Variants in WWTR1 observed in about 807,000 individuals in gnomAD.
The protein encoded by WWTR1 is WW domain containing transcription regulator 1, also known as WW domain-containing transcription regulator protein 1.
In WWTR1, 13 loss-of-function variants were observed where a neutral mutation model predicts 40.1. That is an observed-to-expected ratio of 0.32 (90% CI 0.21 to 0.52). The LOEUF is 0.52. Ranked by LOEUF, WWTR1 falls within the 20% of genes least tolerant of loss-of-function variation. The pLI, the probability that WWTR1 is intolerant of heterozygous loss-of-function variation, is 0.97. For missense variants in WWTR1, 436 were observed against 523.1 expected, an observed-to-expected ratio of 0.83 and a Z score of 1.63; for synonymous variants, 230 against 210.1, an observed-to-expected ratio of 1.09 and a Z score of -0.82.
intron 2 of WWTR1, among the ~76,000 whole-genome samples, chr3:149,634,609 C>A (rs2108114243): frequency 6.6e-6 from 1 of 152,308 alleles, no homozygotes; most frequent in East Asian, 1.9e-4. Context: ...AAGGTCCATG[C>A]ACAATAAATG....
At chr3:149,703,848 C>T (rs1381140246), upstream of WWTR1, among the ~76,000 whole-genome samples, 1 of 152,208 alleles carries the variant, frequency 6.6e-6, no homozygotes, top group Non-Finnish European at 1.5e-5. Flanking sequence ...TGATTGGAAG[C>T]TTCCTGAGTC....
chr3:149,698,285 A>G (rs1715057448), intron 1 of WWTR1, among the ~76,000 whole-genome samples: 1 of 150,906 alleles, frequency 6.6e-6, no homozygotes, highest in African/African-American at 2.5e-5. Flanking sequence ...CGTGATAGTG[A>G]GTGAGTTCTC....
intron 2 of WWTR1, among the ~76,000 whole-genome samples, chr3:149,580,095 G>T (rs577153233): frequency 1.3e-4 from 20 of 152,128 alleles, no homozygotes; most frequent in Non-Finnish European, 2.6e-4. Context: ...GTATGCAAAA[G>T]GTGGTTTACT....
intron 5 of WWTR1, among the ~76,000 whole-genome samples, chr3:149,716,662 TAAAC>T (rs1434288768): frequency 1.3e-5 from 2 of 152,156 alleles, no homozygotes; most frequent in Admixed American, 6.5e-5. Flanking sequence ...TTTTTAATAG[TAAAC>T]AAACAAAAAG....
chr3:149,628,179 G>A (rs1740666071), intron 2 of WWTR1, among the ~76,000 whole-genome samples: 1 of 151,738 alleles, frequency 6.6e-6, no homozygotes, highest in South Asian at 2.1e-4. Context: ...GACCATCTTG[G>A]CTAACACGGT....
intron 1 of WWTR1, among the ~76,000 whole-genome samples, chr3:149,680,255 T>G (rs965087888): frequency 6.6e-6 from 1 of 152,052 alleles, no homozygotes; most frequent in Non-Finnish European, 1.5e-5. Flanking sequence ...GTAAAATACT[T>G]ATCTGGGGCC....
chr3:149,713,833 C>A (rs927392244), intron 5 of WWTR1, among the ~76,000 whole-genome samples: 14 of 152,226 alleles, frequency 9.2e-5, no homozygotes, highest in Non-Finnish European at 1.9e-4. Context: ...GCACGCATCC[C>A]TGAGGCAGCG....
intron 3 of WWTR1, among the ~76,000 whole-genome samples, chr3:149,551,224 G>A (rs1281575626): frequency 2.1e-5 from 3 of 144,324 alleles, no homozygotes; most frequent in African/African-American, 7.9e-5. Context: ...TTGAACCCAG[G>A]AGGCAGGAGG....
intron 1 of WWTR1, among the ~76,000 whole-genome samples, chr3:149,695,794 A>AATAT (rs752351282): frequency 0.097 from 13,643 of 140,608 alleles, 811 homozygotes; most frequent in Admixed American, 0.15. Context: ...AAAAGAAAAA[A>AATAT]ATATATATAT....
At chr3:149,663,487 G>T (rs1023843358) in intron 2 of WWTR1, among the ~76,000 whole-genome samples, 5 of 151,952 alleles carry the variant, frequency 3.3e-5, no homozygotes, top group African/African-American at 1.2e-4. Flanking sequence ...CCTGAGGTCA[G>T]GAGTTTGAGA....
At chr3:149,592,193 C>T (rs1322766928) in intron 2 of WWTR1, among the ~76,000 whole-genome samples, 2 of 152,172 alleles carry the variant, frequency 1.3e-5, no homozygotes, top group Non-Finnish European at 1.5e-5. Context: ...AATATTTATA[C>T]AATACATATG....
intron 2 of WWTR1, among the ~76,000 whole-genome samples, chr3:149,602,440 G>A (rs1739285102): frequency 6.6e-6 from 1 of 152,194 alleles, no homozygotes; most frequent in Non-Finnish European, 1.5e-5. Context: ...TGGACCCTGA[G>A]CAACCCTGAA....
intron 2 of WWTR1, among the ~76,000 whole-genome samples, chr3:149,574,821 G>GC (rs1737805704): frequency 6.6e-6 from 1 of 151,748 alleles, no homozygotes; most frequent in South Asian, 2.1e-4. Context: ...AAGGCCGGGG[G>GC]CGGTGGCTCA....
chr3:149,548,536 T>C (rs1363258650), intron 3 of WWTR1, among the ~76,000 whole-genome samples: 1 of 152,108 alleles, frequency 6.6e-6, no homozygotes, highest in Non-Finnish European at 1.5e-5. Context: ...ACCATAAGGG[T>C]AGGCTCAACT....
chr3:149,626,660 A>G (rs1184056599), intron 2 of WWTR1, among the ~76,000 whole-genome samples: 1 of 152,118 alleles, frequency 6.6e-6, no homozygotes, highest in African/African-American at 2.4e-5. Context: ...CCATACTCCA[A>G]GGGAAGATAC....
chr3:149,539,351 T>G (rs1418616942), intron 4 of WWTR1, among the ~76,000 whole-genome samples: 1 of 152,162 alleles, frequency 6.6e-6, no homozygotes, highest in Non-Finnish European at 1.5e-5. Flanking sequence ...TTCATCTACT[T>G]ATTAAATTTT....
At chr3:149,591,103 G>C (rs562781719) in intron 2 of WWTR1, among the ~76,000 whole-genome samples, 1 of 151,786 alleles carries the variant, frequency 6.6e-6, no homozygotes, top group Non-Finnish European at 1.5e-5. Flanking sequence ...TCCTGTAGTT[G>C]TTAGGGAGAA....
chr3:149,724,255 G>A (rs1464722335), intron 3 of WWTR1: 1 of 152,024 alleles, frequency 6.6e-6, no homozygotes. Context: ...GAATCCCTGT[G>A]CACTCATCAC....
intron 1 of WWTR1, among the ~76,000 whole-genome samples, chr3:149,671,761 T>C (rs547624553): frequency 6.6e-6 from 1 of 152,294 alleles, no homozygotes; most frequent in African/African-American, 2.4e-5. Flanking sequence ...CTTCTACATA[T>C]TTATCTTAAT....
Sources: gnomAD v4.1 joint callset for allele counts (sites outside exome capture counted in the v4.1 genomes callset) on GRCh38, gnomAD v4.1.1 for gene constraint, MANE v1.5 for transcripts, NCBI Gene and HGNC (gene_info 2026-07-23, HGNC 2026-07-21) for gene names.